The following ENPP2 variants were observed in gnomAD, a reference collection of about 807,000 sequenced individuals.
The protein encoded by ENPP2 is autotaxin.
Under a neutral mutation model 120.2 loss-of-function variants are expected in ENPP2, and 51 were observed. The observed-to-expected ratio is 0.42, with a 90% CI of 0.34 to 0.54. The LOEUF (loss-of-function observed/expected upper bound fraction) is 0.54. ENPP2 is among the 20% of genes least tolerant of loss of function. The pLI is 0.04. For synonymous variants in ENPP2, 365 were observed against 366.4 expected (o/e 1.00, Z 0.04); for missense variants, 920 against 1,066.5 (o/e 0.86, Z 1.91).
intron 1 of ENPP2, among the ~76,000 whole-genome samples, chr8:119,648,602 A>G (rs971239835): frequency 6.6e-6 from 1 of 152,230 alleles, no homozygotes; most frequent in Admixed American, 6.5e-5. Context: ...CAAAGGTGTC[A>G]TCACGTGCTT....
intron 12 of ENPP2, chr8:119,592,965 CCTCCGAA>C: frequency 3.1e-6 from 3 of 981,654 alleles, no homozygotes; most frequent in Non-Finnish European, 3.6e-6. Context: ...CAATTTTCAT[CCTCCGAA>C]CTCCACTAGA....
chr8:119,656,307 C>T (rs928552123), intron 1 of ENPP2, among the ~76,000 whole-genome samples: 4 of 152,112 alleles, frequency 2.6e-5, no homozygotes, highest in Admixed American at 1.3e-4. Flanking sequence ...GGTTGTTTCT[C>T]CCAACTACAA....
chr8:119,587,758 C>T (rs1813215565), intron 13 of ENPP2, among the ~76,000 whole-genome samples: 1 of 152,126 alleles, frequency 6.6e-6, no homozygotes, highest in African/African-American at 2.4e-5. Flanking sequence ...ATCTGAAGCT[C>T]CCCTTTTGGG....
chr8:119,578,958 C>T (rs1812537059), intron 19 of ENPP2, among the ~76,000 whole-genome samples: 1 of 152,210 alleles, frequency 6.6e-6, no homozygotes, highest in East Asian at 1.9e-4. Flanking sequence ...ATATGATAAA[C>T]AGAACCATAT....
chr8:119,662,541 G>A (rs1318810766), intron 1 of ENPP2, among the ~76,000 whole-genome samples: 1 of 152,100 alleles, frequency 6.6e-6, no homozygotes, highest in African/African-American at 2.4e-5. Flanking sequence ...CCCTCCGGGT[G>A]ATTCTGATGC....
intron 1 of ENPP2, among the ~76,000 whole-genome samples, chr8:119,654,099 A>G (rs920220422): frequency 6.9e-6 from 1 of 144,412 alleles, no homozygotes; most frequent in African/African-American, 2.5e-5. Context: ...TTATATATCT[A>G]TATAACATGT....
chr8:119,664,492 G>A (rs758070239), intron 1 of ENPP2, among the ~76,000 whole-genome samples: 7 of 152,152 alleles, frequency 4.6e-5, no homozygotes, highest in Non-Finnish European at 7.3e-5. Flanking sequence ...TGTCTGTCCC[G>A]ATCATTTCCA....
chr8:119,661,488 T>C (rs1020419174), intron 1 of ENPP2, among the ~76,000 whole-genome samples: 11 of 152,146 alleles, frequency 7.2e-5, no homozygotes, highest in African/African-American at 2.4e-4. Flanking sequence ...TTAGAATATC[T>C]GCTATCAAAA....
At chr8:119,578,035 GT>G (rs1587370170) in intron 19 of ENPP2, among the ~76,000 whole-genome samples, 1 of 152,006 alleles carries the variant, frequency 6.6e-6, no homozygotes, top group East Asian at 1.9e-4. Flanking sequence ...GTGATTGTGT[GT>G]GTTTTTTTGT....
At chr8:119,630,555 A>G (rs1416875724) in intron 2 of ENPP2, among the ~76,000 whole-genome samples, 1 of 152,194 alleles carries the variant, frequency 6.6e-6, no homozygotes, top group Non-Finnish European at 1.5e-5. Flanking sequence ...AAATAATTGA[A>G]TCTCACTTAA....
intron 24 of ENPP2, among the ~76,000 whole-genome samples, chr8:119,558,412 G>A (rs893027781): frequency 6.6e-6 from 1 of 152,052 alleles, no homozygotes; most frequent in Non-Finnish European, 1.5e-5. Flanking sequence ...GGTTAGGGAG[G>A]AGAGGAGGGA....
In ENPP2 at chr8:119,611,010, G is replaced by C. The variant is rs898853270; in HGVS notation, c.778-3033C>G. On this transcript the variant is annotated intron_variant, in intron 8 of 24. Coordinates refer to ENST00000075322, the MANE Select transcript of ENPP2 (RefSeq NM_001040092.3). ...TCCCTGCATTGCTTTCCTTTATCTGGAGGCCCAGCTTTCAACATTTGTGTC... is the reference window on the plus strand; with the variant it reads ...TCCCTGCATTGCTTTCCTTTATCTGCAGGCCCAGCTTTCAACATTTGTGTC... Among the ~76,000 whole-genome samples the C allele has an allele frequency of 2.0e-5, 3 of 151,998 alleles. No individual in the cohort carries two copies. The South Asian group carries it at 6.2e-4, about 31-fold the overall frequency.
At chr8:119,577,395 G>A (rs1025243299) in intron 19 of ENPP2, among the ~76,000 whole-genome samples, 6 of 152,096 alleles carry the variant, frequency 3.9e-5, no homozygotes, top group African/African-American at 1.4e-4. Flanking sequence ...TTTTAAATGG[G>A]AGGCCAAATT....
At chr8:119,627,483 T>C (rs998425279) in intron 2 of ENPP2, among the ~76,000 whole-genome samples, 8 of 152,006 alleles carry the variant, frequency 5.3e-5, no homozygotes, top group Non-Finnish European at 8.8e-5. Flanking sequence ...ATAAAATAGC[T>C]AGGTATTTTA....
chr8:119,657,887 C>T (rs1563777331), intron 1 of ENPP2, among the ~76,000 whole-genome samples: 2 of 152,188 alleles, frequency 1.3e-5, no homozygotes, highest in African/African-American at 4.8e-5. Context: ...TCTCAGCATT[C>T]CTCAGCATTG....
intron 1 of ENPP2, among the ~76,000 whole-genome samples, chr8:119,661,961 TA>T (rs527761318): frequency 6.6e-6 from 1 of 152,120 alleles, no homozygotes; most frequent in East Asian, 1.9e-4. Flanking sequence ...ATGTGGAATC[TA>T]AAAAAATCAA....
chr8:119,581,559 A>AAT (rs1812739095), intron 18 of ENPP2, among the ~76,000 whole-genome samples: 1 of 151,964 alleles, frequency 6.6e-6, no homozygotes, highest in Non-Finnish European at 1.5e-5. Flanking sequence ...GGCCAAATAC[A>AAT]ATAGTTCCTT....
At position 119,583,805 on chromosome 8, in the gene ENPP2, C is replaced by A; in HGVS notation, c.1456-1G>T. ...TTGAGCCATAACCTACAAAAACAGT[C>A]TTCCAAAAGAAAAGAAAAACAAAAA... On this transcript the variant is annotated splice_acceptor_variant, in intron 16 of 24. Transcript: ENST00000075322. LOFTEE classifies it high-confidence loss of function. 2 of 1,577,390 alleles carry A rather than the reference C, an allele frequency of 1.3e-6. No homozygotes were observed. The highest frequency in any genetic ancestry group is 2.3e-5 in the South Asian group (2 of 88,438).
chr8:119,656,312 C>T (rs1817764771), intron 1 of ENPP2, among the ~76,000 whole-genome samples: 1 of 152,160 alleles, frequency 6.6e-6, no homozygotes, highest in African/African-American at 2.4e-5. Flanking sequence ...TTTCTCCCAA[C>T]TACAACACAA....
Sources: gnomAD v4.1 joint callset for allele counts (sites outside exome capture counted in the v4.1 genomes callset) on GRCh38, gnomAD v4.1.1 for gene constraint, MANE v1.5 for transcripts, NCBI Gene and HGNC (gene_info 2026-07-23, HGNC 2026-07-21) for gene names.